PC: variants seen among roughly 807,000 people sequenced by gnomAD.
PC encodes pyruvate carboxylase.
PC carries 46 observed loss-of-function variants against 107.8 expected under a neutral mutation model. That is an observed-to-expected ratio of 0.43 (90% CI 0.34 to 0.55). The LOEUF (loss-of-function observed/expected upper bound fraction) is 0.55. Among genes scored for constraint, PC ranks in the 20% least tolerant of loss-of-function variants. The pLI, the probability that PC is intolerant of heterozygous loss-of-function variation, is 0.04. For synonymous variants in PC, 662 were observed against 684.7 expected, an observed-to-expected ratio of 0.97 and a Z score of 0.52; for missense variants, 1,241 against 1,643.1, an observed-to-expected ratio of 0.76 and a Z score of 4.23.
At chr11:66,862,258 C>A (rs973239008) in intron 12 of PC, among the ~76,000 whole-genome samples, 2 of 152,176 alleles carry the variant, frequency 1.3e-5, no homozygotes, top group Admixed American at 6.5e-5. Context: ...AGGCTCCCCA[C>A]GGAAGAGTAA....
intron 17 of PC, 51 bp from the exon 18 acceptor site, chr11:66,850,974 T>C: frequency 6.2e-7 from 1 of 1,608,536 alleles, no homozygotes; most frequent in Non-Finnish European, 8.5e-7. Flanking sequence ...GGGCAGGATG[T>C]GTGCCTGTGG....
intron 16 of PC, 50 bp from the exon 17 acceptor site, chr11:66,851,330 AAC>A (rs1372939497): frequency 3.1e-6 from 5 of 1,598,742 alleles, no homozygotes; most frequent in Non-Finnish European, 4.2e-6. Flanking sequence ...CCTCCCTCTG[AAC>A]AGTCTTCCCT....
At chr11:66,922,954 A>G (rs1291554531) in intron 3 of PC, among the ~76,000 whole-genome samples, 2 of 152,264 alleles carry the variant, frequency 1.3e-5, no homozygotes, top group African/African-American at 2.4e-5. Context: ...GGCATAGTCA[A>G]TAACACTAGC....
Position 66,850,472 on chromosome 11 carries a change from G to A in PC, c.2474-8C>T. The A allele has an allele frequency of 6.2e-7, 1 of 1,613,880 alleles. No homozygotes were observed. Among genetic ancestry groups the A allele is most frequent in the Non-Finnish European group, 8.5e-7 (1 of 1,180,026 alleles). The stretch of plus-strand genomic sequence containing the variant: ...CGCGCTCCATGGGCACCTCTGCAGG[G>A]AGGCCAGAGTCAGAGGAGGCCTTAG... On this transcript the variant is annotated splice_polypyrimidine_tract_variant and splice_region_variant and intron_variant, in intron 18 of 22. Transcript: ENST00000393960.
Position 66,871,059 on chromosome 11 carries a change from C to T in PC, c.626G>A (p.Ser209Asn), listed in dbSNP as rs1946711008. 1 of 1,614,090 alleles carries T rather than the reference C, an allele frequency of 6.2e-7. No homozygotes were observed. Among genetic ancestry groups the T allele is most frequent in the Non-Finnish European group, 8.5e-7 (1 of 1,180,012 alleles). The change falls in exon 7 of 23, where the codon AGC (serine) becomes AAC (asparagine). Residue 209 changes from serine to asparagine, a missense_variant. Physicochemically the swap from Ser to Asn is conservative, Grantham distance 46. Coordinates refer to ENST00000393960, the MANE Select transcript of PC (RefSeq NM_001040716.2). This position sits in a 1 kb window ranked among gnomAD's most constrained non-coding sequence, Gnocchi z 7.4. Reference protein sequence around the residue: ...GGGRGMRVVHSYEELEENYTR... With the variant: ...GGGRGMRVVHNYEELEENYTR... ...CTGGGCATCTTCACTCACCTCGTAGCTGTGCACCACCCTCATGCCACGCCC... is the reference window on the plus strand; with the variant it reads ...CTGGGCATCTTCACTCACCTCGTAGTTGTGCACCACCCTCATGCCACGCCC...
rs1946747575 is a variant in PC, at chr11:66,871,841, C to T, written c.167G>A (p.Cys56Tyr). The change falls in exon 5 of 23, where the codon TGC becomes TAC. Residue 56 changes from cysteine to tyrosine, a missense_variant. Coordinates refer to ENST00000393960, the MANE Select transcript of PC (RefSeq NM_001040716.2). This position sits in a 1 kb window ranked among gnomAD's most constrained non-coding sequence, Gnocchi z 7.4. ...GEIAIRVFRA[C>Y]TELGIRTVAI... ...TACGGTGCGGATGCCCAGCTCCGTG[C>T]AGGCCCGGAACACACGGATGGCAAT... 6.2e-7 allele frequency: 1 copy of T among 1,608,756 alleles called. No homozygotes were observed.
chr11:66,942,880 G>C (rs1207833792), intron 3 of PC, among the ~76,000 whole-genome samples: 1 of 151,920 alleles, frequency 6.6e-6, no homozygotes, highest in Non-Finnish European at 1.5e-5. Flanking sequence ...GCTGGGTCTG[G>C]TGGCGGGCGT....
At chr11:66,864,982 C>T (rs1193030819) in intron 11 of PC, among the ~76,000 whole-genome samples, 1 of 152,198 alleles carries the variant, frequency 6.6e-6, no homozygotes, top group East Asian at 1.9e-4. Flanking sequence ...TAAGGGTGAA[C>T]ACTCAGCTGA....
At chr11:66,903,047 C>G (rs930934113) in intron 3 of PC, among the ~76,000 whole-genome samples, 2 of 152,208 alleles carry the variant, frequency 1.3e-5, no homozygotes, top group Non-Finnish European at 2.9e-5. Flanking sequence ...TCCACATTAG[C>G]AGGGGGGTGT....
chr11:66,907,366 A>C (rs916273746), intron 3 of PC, among the ~76,000 whole-genome samples: 4 of 152,172 alleles, frequency 2.6e-5, no homozygotes, highest in African/African-American at 7.2e-5. Flanking sequence ...CGTCTCTACG[A>C]AAAATACAAA....
chr11:66,916,867 T>C (rs1432037164), intron 3 of PC, among the ~76,000 whole-genome samples: 1 of 151,868 alleles, frequency 6.6e-6, no homozygotes, highest in African/African-American at 2.4e-5. Context: ...GGCAGGAGAA[T>C]GGCGTGAACC....
In PC at chr11:66,866,389, AGG is replaced by A; in HGVS notation, c.1023-42_1023-41del. ...GGGGAGGGGGGAAAGGACGGGAGAA[AGG>A]GGGAAACATGAGGCGGGGGATAGAC... On this transcript the variant is annotated intron_variant, in intron 10 of 22. Transcript: ENST00000393960. The surrounding 1 kb of genome is among the most constrained non-coding windows in gnomAD (Gnocchi z 5.4). The A allele has an allele frequency of 1.0e-6, 1 of 997,126 alleles. No individual in the cohort carries two copies. The highest frequency in any genetic ancestry group is 1.4e-6 in the Non-Finnish European group (1 of 696,222). 61.8% of individuals were successfully genotyped at this position (997,126 alleles called of 1,614,324 possible). A position where few individuals can be genotyped will look rare whatever the true frequency, so the allele number is the denominator to read the frequency against.
chr11:66,935,424 A>T (rs774068030), intron 3 of PC, among the ~76,000 whole-genome samples: 26 of 152,198 alleles, frequency 1.7e-4, no homozygotes, highest in Non-Finnish European at 3.4e-4. Flanking sequence ...GCAACATGGC[A>T]GGGAGAAGAG....
At chr11:66,864,426 C>T (rs1045340206) in intron 11 of PC, among the ~76,000 whole-genome samples, 1 of 152,282 alleles carries the variant, frequency 6.6e-6, no homozygotes, top group African/African-American at 2.4e-5. Context: ...AGGCCGGCGA[C>T]AGGGCCTCCA....
At chr11:66,913,439 C>T (rs1453966115) in intron 3 of PC, among the ~76,000 whole-genome samples, 1 of 151,888 alleles carries the variant, frequency 6.6e-6, no homozygotes, top group Non-Finnish European at 1.5e-5. Context: ...AATCCCAGCA[C>T]TTTGGGAGGC....
rs2135783978 is a variant in PC at position 66,849,092 on chromosome 11, G to A, written c.3344C>T (p.Pro1115Leu). Residue 1115 changes from proline (P) to leucine (L), a missense_variant, in exon 23 of 23, where the codon CCC (proline) becomes CTC (leucine). Physicochemically the swap from Pro to Leu is moderately conservative, Grantham distance 98 (BLOSUM62 -3). Coordinates refer to ENST00000393960, the MANE Select transcript of PC (RefSeq NM_001040716.2). Reference protein sequence around the residue: ...LKDVKGQIGAPMPGKVIDIKV... With the variant: ...LKDVKGQIGALMPGKVIDIKV... ...GATGTCTATCACCTTCCCAGGCATG[G>A]GCGCCCCGATCTGGCCCTTCACGTC... The A allele has an allele frequency of 1.2e-6, 2 of 1,614,092 alleles. No homozygotes were observed. Among genetic ancestry groups the A allele is most frequent in the Non-Finnish European group, 1.7e-6 (2 of 1,180,026 alleles).
intron 3 of PC, among the ~76,000 whole-genome samples, chr11:66,937,692 T>C (rs977683008): frequency 6.6e-6 from 1 of 152,290 alleles, no homozygotes; most frequent in East Asian, 1.9e-4. Context: ...GATTTTTTTC[T>C]GCCTGCTCAA....
chr11:66,897,025 G>C (rs1294902322), intron 3 of PC, among the ~76,000 whole-genome samples: 1 of 152,026 alleles, frequency 6.6e-6, no homozygotes, highest in Non-Finnish European at 1.5e-5. Flanking sequence ...TCTGCCCCCG[G>C]GATTCAAGAG....
At chr11:66,853,164 T>A in intron 13 of PC, 75 bp downstream of exon 13, 1 of 1,526,410 alleles carries the variant, frequency 6.6e-7, no homozygotes, top group Non-Finnish European at 8.9e-7. Flanking sequence ...TCATGGGGAG[T>A]GGCAAGGAGG....
Sources: gnomAD v4.1 joint callset for allele counts (sites outside exome capture counted in the v4.1 genomes callset) on GRCh38, gnomAD v4.1.1 for gene constraint, Gnocchi (gnomAD v3.1) non-coding constraint, MANE v1.5 for transcripts, NCBI Gene and HGNC (gene_info 2026-07-23, HGNC 2026-07-21) for gene names.